The following ATAD2B variants were observed in gnomAD, a reference collection of about 807,000 sequenced individuals.
The protein encoded by ATAD2B is ATPase family AAA domain containing 2B.
In ATAD2B, 40 loss-of-function variants were observed where a neutral mutation model predicts 167.6. The observed-to-expected ratio is 0.24, with a 90% CI of 0.19 to 0.31. The LOEUF is 0.31. ATAD2B is among the 10% of genes least tolerant of loss of function. ATAD2B has a pLI of 1.00. For synonymous variants in ATAD2B, 579 were observed against 596.5 expected (o/e 0.97, Z 0.43); for missense variants, 1,242 against 1,757.2 (o/e 0.71, Z 5.24).
chr2:23,815,725 G>A (rs7589440), intron 17 of ATAD2B, among the ~76,000 whole-genome samples: 18,323 of 152,186 alleles, frequency 0.12, 1,177 homozygotes, highest in Middle Eastern at 0.22. Flanking sequence ...ACAACTAGTG[G>A]AAGAAAAGCA....
At chr2:23,813,526 A>G (rs1217980906) in intron 17 of ATAD2B, among the ~76,000 whole-genome samples, 4 of 151,444 alleles carry the variant, frequency 2.6e-5, no homozygotes, top group East Asian at 1.9e-4. Context: ...TTTGAGCCCA[A>G]GTGTTCTGAG....
At chr2:23,732,978 G>A in the ATAD2B span, among the ~76,000 whole-genome samples, 2 of 152,286 alleles carry the variant, frequency 1.3e-5, no homozygotes, top group Admixed American at 1.3e-4. Context: ...GCAGAAGGGT[G>A]ATAATAGTAT....
intron 1 of ATAD2B, among the ~76,000 whole-genome samples, chr2:23,924,896 G>C (rs1704488050): frequency 6.6e-6 from 1 of 152,078 alleles, no homozygotes; most frequent in Non-Finnish European, 1.5e-5. Context: ...TCCTCGGGGG[G>C]TGAGGACAGC....
intron 22 of ATAD2B, among the ~76,000 whole-genome samples, chr2:23,769,281 A>G (rs1677927433): frequency 6.6e-6 from 1 of 152,072 alleles, no homozygotes; most frequent in Middle Eastern, 3.2e-3. Context: ...TCTAATAAAA[A>G]CACAAAAAAA....
the ATAD2B span, among the ~76,000 whole-genome samples, chr2:23,685,974 A>G: frequency 6.6e-6 from 1 of 152,218 alleles, no homozygotes; most frequent in Non-Finnish European, 1.5e-5. Flanking sequence ...GTGGTGGGTG[A>G]GAGGAGCACA....
the ATAD2B span, among the ~76,000 whole-genome samples, chr2:23,708,865 C>G: frequency 6.6e-6 from 1 of 152,156 alleles, no homozygotes; most frequent in Non-Finnish European, 1.5e-5. Context: ...AAGTGCTCTT[C>G]TTATTACACT....
At chr2:23,798,453 C>A in intron 18 of ATAD2B, 130 bp from the exon 19 acceptor site, 1 of 650,008 alleles carries the variant, frequency 1.5e-6, no homozygotes, top group Non-Finnish European at 2.5e-6. Flanking sequence ...AATTTAAGTT[C>A]AAGATATGAT....
chr2:23,733,502 G>C, the ATAD2B span, among the ~76,000 whole-genome samples: 1 of 152,148 alleles, frequency 6.6e-6, no homozygotes, highest in Non-Finnish European at 1.5e-5. Flanking sequence ...CTCATGGTTT[G>C]AACAATCATT....
the ATAD2B span, among the ~76,000 whole-genome samples, chr2:23,682,046 T>G: frequency 1.3e-5 from 2 of 152,046 alleles, no homozygotes; most frequent in Non-Finnish European, 2.9e-5. The surrounding 1 kb of genome is among the most constrained non-coding windows in gnomAD (Gnocchi z 4.1). Context: ...CTGATCTTCT[T>G]GTTCCCTCCC....
At chr2:23,851,147 A>C (rs1261713962) in intron 13 of ATAD2B, among the ~76,000 whole-genome samples, 1 of 152,086 alleles carries the variant, frequency 6.6e-6, no homozygotes, top group Non-Finnish European at 1.5e-5. Context: ...AGTTTTATAG[A>C]GATTTTTTGT....
intron 7 of ATAD2B, among the ~76,000 whole-genome samples, chr2:23,877,181 C>A (rs1283724253): frequency 2.0e-5 from 3 of 151,690 alleles, no homozygotes; most frequent in Non-Finnish European, 1.5e-5. Flanking sequence ...AAGGCCAAGT[C>A]AAAGGACTGC....
the ATAD2B span, among the ~76,000 whole-genome samples, chr2:23,688,392 G>C: frequency 1.3e-5 from 2 of 152,198 alleles, no homozygotes; most frequent in Admixed American, 1.3e-4. Context: ...ACAGTGCCCA[G>C]TTCCAACTTG....
chr2:23,737,158 T>G, the ATAD2B span, among the ~76,000 whole-genome samples: 1 of 152,218 alleles, frequency 6.6e-6, no homozygotes, highest in Non-Finnish European at 1.5e-5. Flanking sequence ...CAGTAACCTC[T>G]GCAGACTTAA....
chr2:23,835,292 T>C (rs1558628615), intron 13 of ATAD2B, among the ~76,000 whole-genome samples: 1 of 152,148 alleles, frequency 6.6e-6, no homozygotes, highest in African/African-American at 2.4e-5. Flanking sequence ...ATAAATAGAA[T>C]AAATGTGGTA....
At chr2:23,851,200 G>A (rs1023848649) in intron 13 of ATAD2B, among the ~76,000 whole-genome samples, 16 of 152,052 alleles carry the variant, frequency 1.1e-4, no homozygotes, top group Middle Eastern at 6.3e-3. Context: ...GCTGTAGTTC[G>A]GTGGCACGAT....
At chr2:23,844,504 A>AAGGCATTAAAGTAGGC (rs1230227435) in intron 13 of ATAD2B, among the ~76,000 whole-genome samples, 1 of 120,858 alleles carries the variant, frequency 8.3e-6, no homozygotes, top group Non-Finnish European at 1.9e-5. Flanking sequence ...AGAATTGCCA[A>AAGGCATTAAAGTAGGC]AGGCATTAAA....
intron 13 of ATAD2B, among the ~76,000 whole-genome samples, chr2:23,843,724 A>G (rs1486041853): frequency 1.3e-5 from 2 of 152,136 alleles, no homozygotes; most frequent in Non-Finnish European, 2.9e-5. Flanking sequence ...AAACTACCCA[A>G]GGCTTGGGGA....
At chr2:23,868,071 T>C (rs927327521) in intron 9 of ATAD2B, 125 bp from the exon 10 acceptor site, 18 of 654,322 alleles carry the variant, frequency 2.8e-5, no homozygotes, top group Middle Eastern at 2.6e-4. Flanking sequence ...GAAAATAATA[T>C]CAAAGGATTT....
intron 1 of ATAD2B, among the ~76,000 whole-genome samples, chr2:23,906,353 A>G (rs1490186870): frequency 6.6e-6 from 1 of 152,118 alleles, no homozygotes; most frequent in East Asian, 1.9e-4. Context: ...AAAAAAAAGA[A>G]AGGTCATTTT....
Sources: allele counts gnomAD v4.1 joint callset (sites outside exome capture counted in the v4.1 genomes callset), GRCh38; gene constraint gnomAD v4.1.1; non-coding constraint Gnocchi (gnomAD v3.1); transcripts MANE v1.5; gene names NCBI Gene and HGNC (gene_info 2026-07-23, HGNC 2026-07-21).